The following CPEB3 variants were observed in gnomAD, a reference collection of about 807,000 sequenced individuals.
CPEB3 encodes the protein cytoplasmic polyadenylation element-binding protein 3.
In CPEB3, 20 loss-of-function variants were observed where a neutral mutation model predicts 67.2. That is an observed-to-expected ratio of 0.30 (90% CI 0.21 to 0.43). The LOEUF (loss-of-function observed/expected upper bound fraction) is 0.43. CPEB3 is among the 20% of genes least tolerant of loss of function. CPEB3 has a pLI of 1.00. For synonymous variants in CPEB3, 376 were observed against 393.1 expected, an observed-to-expected ratio of 0.96 and a Z score of 0.51; for missense variants, 746 against 968.6, an observed-to-expected ratio of 0.77 and a Z score of 3.05.
chr10:92,266,377 A>T (rs552822523), intron 1 of CPEB3, among the ~76,000 whole-genome samples: 30 of 152,288 alleles, frequency 2.0e-4, no homozygotes, highest in South Asian at 6.2e-4. Context: ...CTTTCTAAAG[A>T]GGCTTCTTTC....
chr10:92,056,301 T>G (rs1842110064), intron 9 of CPEB3, among the ~76,000 whole-genome samples: 1 of 152,100 alleles, frequency 6.6e-6, no homozygotes, highest in Non-Finnish European at 1.5e-5. Context: ...ATTTCTGGAC[T>G]GAAATCAACA....
At chr10:92,266,646 T>C (rs1211772183) in intron 1 of CPEB3, among the ~76,000 whole-genome samples, 3 of 151,752 alleles carry the variant, frequency 2.0e-5, no homozygotes, top group Non-Finnish European at 4.4e-5. Context: ...GGATGGCTAC[T>C]AAAAACAAAA....
chr10:92,224,966 TTTTC>T (rs1053559807), intron 2 of CPEB3, among the ~76,000 whole-genome samples: 10 of 148,530 alleles, frequency 6.7e-5, no homozygotes, highest in South Asian at 4.2e-4. Context: ...CCCTACCCCA[TTTTC>T]TTTCTTTTTT....
chr10:92,121,389 A>G (rs942554009), intron 6 of CPEB3, among the ~76,000 whole-genome samples: 1 of 135,446 alleles, frequency 7.4e-6, no homozygotes, highest in African/African-American at 2.8e-5. Flanking sequence ...AATATATTAT[A>G]TATATATAAT....
At chr10:92,188,029 C>G (rs1242871015) in intron 3 of CPEB3, among the ~76,000 whole-genome samples, 2 of 151,390 alleles carry the variant, frequency 1.3e-5, no homozygotes, top group African/African-American at 4.9e-5. Context: ...AACCTTGTCT[C>G]TACAGCAAAT....
At chr10:92,232,125 T>A (rs1397924467) in intron 2 of CPEB3, among the ~76,000 whole-genome samples, 3 of 151,348 alleles carry the variant, frequency 2.0e-5, no homozygotes, top group Admixed American at 2.0e-4. Context: ...TGATCTCAGC[T>A]CACTGCAACC....
At chr10:92,259,866 T>C (rs1720761867) in intron 1 of CPEB3, among the ~76,000 whole-genome samples, 1 of 152,238 alleles carries the variant, frequency 6.6e-6, no homozygotes, top group Admixed American at 6.5e-5. Flanking sequence ...CATTAATTCA[T>C]TTAACCCATA....
Position 92,069,978 on chromosome 10 carries a change from G to A in CPEB3, c.1869+11342C>T, listed in dbSNP as rs933602220. ...ATGGACATGCAGTTGCTATTTCCTT[G>A]CCCTGTCCGAAACCCTCTGTAGATA... is the stretch of plus-strand genomic sequence containing the variant. On this transcript the variant is annotated intron_variant, in intron 9 of 9. Transcript: ENST00000265997. Among the ~76,000 whole-genome samples, 37 of 152,068 alleles carry A rather than the reference G, an allele frequency of 2.4e-4. 1 individual carries two copies. The highest frequency in any genetic ancestry group is 9.2e-4 in the Admixed American group (14 of 15,252).
At chr10:92,068,344 C>T (rs376548011) in intron 9 of CPEB3, among the ~76,000 whole-genome samples, 4 of 152,078 alleles carry the variant, frequency 2.6e-5, no homozygotes, top group African/African-American at 9.7e-5. Context: ...GCAAGAAAAT[C>T]GTTAAAAATG....
At chr10:92,206,668 T>C (rs140409778) in intron 2 of CPEB3, among the ~76,000 whole-genome samples, 40 of 152,318 alleles carry the variant, frequency 2.6e-4, no homozygotes, top group African/African-American at 9.4e-4. Flanking sequence ...AATGTTTCTA[T>C]GAAACTTGGG....
At chr10:92,113,140 G>C (rs1844834729) in intron 6 of CPEB3, among the ~76,000 whole-genome samples, 2 of 152,234 alleles carry the variant, frequency 1.3e-5, no homozygotes, top group Non-Finnish European at 2.9e-5. Flanking sequence ...GTAGTTGCAA[G>C]AGAGAGACTG....
At chr10:92,062,447 T>C (rs1842391798) in intron 9 of CPEB3, among the ~76,000 whole-genome samples, 1 of 152,090 alleles carries the variant, frequency 6.6e-6, no homozygotes, top group South Asian at 2.1e-4. Flanking sequence ...TGAAGGGTGA[T>C]TATTTTGGGT....
In CPEB3 at chr10:92,284,401, G is replaced by A. The variant is rs74149399; in HGVS notation, c.-12+6525C>T. On this transcript the variant is annotated intron_variant, in intron 1 of 9. Transcript: ENST00000265997. ...GCAGCTTCCTCCTCTCCTAGGGTAG[G>A]GCAAAATTCCTTAAACTGGCCTACA... 5.4e-3 allele frequency among the ~76,000 whole-genome samples: 817 copies of A among 152,050 alleles called. 8 individuals carry two copies. The highest frequency in any genetic ancestry group is 0.019 in the African/African-American group (777 of 41,484).
At chr10:92,181,637 A>G (rs1848467549) in intron 3 of CPEB3, among the ~76,000 whole-genome samples, 1 of 152,208 alleles carries the variant, frequency 6.6e-6, no homozygotes, top group Non-Finnish European at 1.5e-5. Flanking sequence ...CCTTAAGTCT[A>G]TAACAGGAGT....
At chr10:92,198,822 C>T (rs1849364253) in intron 2 of CPEB3, among the ~76,000 whole-genome samples, 1 of 152,180 alleles carries the variant, frequency 6.6e-6, no homozygotes, top group African/African-American at 2.4e-5. Context: ...CTGTGACTCT[C>T]AAGTCCATAC....
intron 9 of CPEB3, among the ~76,000 whole-genome samples, chr10:92,059,155 C>T (rs914894842): frequency 1.5e-4 from 23 of 151,362 alleles, no homozygotes; most frequent in Non-Finnish European, 3.2e-4. Flanking sequence ...GGTGAAACCC[C>T]GTCTCTACTA....
intron 8 of CPEB3, among the ~76,000 whole-genome samples, chr10:92,084,888 T>G (rs962049591): frequency 2.6e-5 from 4 of 152,160 alleles, no homozygotes; most frequent in Non-Finnish European, 5.9e-5. Context: ...CTCATCTGTA[T>G]TTTAACTACA....
intron 1 of CPEB3, among the ~76,000 whole-genome samples, chr10:92,289,394 A>G (rs909083354): frequency 6.6e-6 from 1 of 151,946 alleles, no homozygotes; most frequent in African/African-American, 2.4e-5. Context: ...CACAAAAATT[A>G]GCTGGGTGTG....
intron 2 of CPEB3, among the ~76,000 whole-genome samples, chr10:92,223,059 G>A (rs1850779329): frequency 2.0e-5 from 3 of 152,086 alleles, no homozygotes; most frequent in Non-Finnish European, 4.4e-5. Flanking sequence ...TGATTAATTG[G>A]TTAGGAATTC....
Sources: gnomAD v4.1 joint callset for allele counts (sites outside exome capture counted in the v4.1 genomes callset) on GRCh38, gnomAD v4.1.1 for gene constraint, MANE v1.5 for transcripts, NCBI Gene and HGNC (gene_info 2026-07-23, HGNC 2026-07-21) for gene names.